Variants in NAV2 observed in about 807,000 individuals in gnomAD.
NAV2 encodes the protein helicase, APC down-regulated 1.
A neutral mutation model predicts 223.2 loss-of-function variants in NAV2; 54 were observed. The ratio of observed to expected loss-of-function variants is 0.24; its 90% CI spans 0.19 to 0.30. The LOEUF is 0.30. NAV2 is among the 10% of genes least tolerant of loss of function. NAV2 has a pLI of 1.00. For synonymous variants in NAV2, 1,279 were observed against 1,239.3 expected (o/e 1.03, Z -0.67); for missense variants, 2,806 against 3,147.5 (o/e 0.89, Z 2.60).
chr11:19,534,060 G>A (rs948598434), intron 1 of NAV2, among the ~76,000 whole-genome samples: 6 of 152,176 alleles, frequency 3.9e-5, no homozygotes, highest in African/African-American at 1.4e-4. Flanking sequence ...CAGGACATTT[G>A]CACTTGTCAC....
intron 3 of NAV2, among the ~76,000 whole-genome samples, chr11:19,853,163 G>A (rs558738637): frequency 1.8e-4 from 28 of 152,282 alleles, no homozygotes; most frequent in African/African-American, 6.3e-4. Context: ...TGCCTAGGGA[G>A]GAGCTGGGGA....
chr11:19,696,012 A>T (rs1172274489), intron 1 of NAV2, among the ~76,000 whole-genome samples: 1 of 151,872 alleles, frequency 6.6e-6, no homozygotes, highest in Non-Finnish European at 1.5e-5. Flanking sequence ...GGTTCCTTGA[A>T]TGAGGCTTGG....
rs569446282 is a variant in NAV2, at chr11:19,859,137, C to CTT, written c.439-9767_439-9766dup. Among the ~76,000 whole-genome samples the CTT allele has an allele frequency of 2.3e-3, 249 of 107,072 alleles. 1 individual carries two copies. Among genetic ancestry groups the CTT allele is most frequent in the Middle Eastern group, 5.8e-3 (1 of 172 alleles). The allele number at this position is 107,072 out of a possible 152,430, so 70.2% of individuals were successfully genotyped here. Reference sequence around the variant, plus strand: ...ATGGAGGAGTCCAAAATCATATTCTCTTTTTTTTTTTTTTTTTTTTTTATT... The same window carrying CTT: ...ATGGAGGAGTCCAAAATCATATTCTCTTTTTTTTTTTTTTTTTTTTTTTTATT... On this transcript the variant is annotated intron_variant, in intron 3 of 37. Transcript: ENST00000349880.
intron 11 of NAV2, chr11:20,023,195 C>T: frequency 3.4e-6 from 5 of 1,466,402 alleles, no homozygotes; most frequent in Non-Finnish European, 4.6e-6. Flanking sequence ...ACTGCCTTGT[C>T]TTCCTTGGCC....
chr11:19,747,124 ATGAG>A (rs971469552), intron 1 of NAV2, among the ~76,000 whole-genome samples: 2 of 129,064 alleles, frequency 1.5e-5, no homozygotes, highest in Non-Finnish European at 3.2e-5. Flanking sequence ...ATTCCCACCT[ATGAG>A]TGAGAACATG....
At chr11:19,799,561 G>A (rs1247348054) in intron 1 of NAV2, among the ~76,000 whole-genome samples, 2 of 149,664 alleles carry the variant, frequency 1.3e-5, no homozygotes, top group Admixed American at 6.7e-5. Flanking sequence ...ATAGTGGTGC[G>A]GTTGGGGGCA....
At chr11:19,586,016 C>A (rs1046863644) in intron 1 of NAV2, among the ~76,000 whole-genome samples, 1 of 152,212 alleles carries the variant, frequency 6.6e-6, no homozygotes, top group Non-Finnish European at 1.5e-5. Context: ...TTCAGGTACA[C>A]CAATCAGATG....
At chr11:19,996,417 A>G (rs2051892682) in intron 11 of NAV2, among the ~76,000 whole-genome samples, 2 of 152,220 alleles carry the variant, frequency 1.3e-5, no homozygotes, top group Non-Finnish European at 2.9e-5. Flanking sequence ...AGGCTCAGCA[A>G]AAAGAAAGCC....
chr11:19,886,201 C>A (rs1478723947), intron 5 of NAV2, among the ~76,000 whole-genome samples: 1 of 151,516 alleles, frequency 6.6e-6, no homozygotes, highest in Non-Finnish European at 1.5e-5. Context: ...TGGTCTCCAA[C>A]TCCTGGGCTC....
intron 11 of NAV2, among the ~76,000 whole-genome samples, chr11:20,023,699 G>GGTGTGTGTGTGTGTGTGT (rs374769800): frequency 3.5e-4 from 51 of 144,680 alleles, no homozygotes; most frequent in African/African-American, 1.1e-3. Context: ...CAAATTGCTG[G>GGTGTGTGTGTGTGTGTGT]GTGTGTGTGT....
intron 1 of NAV2, among the ~76,000 whole-genome samples, chr11:19,487,721 C>T (rs2042490810): frequency 6.6e-6 from 1 of 152,294 alleles, no homozygotes; most frequent in Admixed American, 6.5e-5. Context: ...TGCAAGTGAG[C>T]TGGGAAGTGA....
chr11:19,410,231 G>C (rs748305563), intron 1 of NAV2, among the ~76,000 whole-genome samples: 2 of 152,058 alleles, frequency 1.3e-5, no homozygotes, highest in Non-Finnish European at 2.9e-5. Context: ...TTTTTGTTTC[G>C]CTTCCTCCTC....
chr11:19,388,010 C>T (rs1564897332), intron 1 of NAV2, among the ~76,000 whole-genome samples: 1 of 152,272 alleles, frequency 6.6e-6, no homozygotes. Context: ...CCAAGACCTC[C>T]AGAATTGGAA....
At chr11:19,832,412 C>G in intron 1 of NAV2, 72 bp from the exon 2 acceptor site, 1 of 1,204,252 alleles carries the variant, frequency 8.3e-7, no homozygotes, top group Non-Finnish European at 1.2e-6. Flanking sequence ...TGTGCCGGCC[C>G]GAGCAGCTGC....
chr11:19,887,862 C>T lies in NAV2; in HGVS notation c.771-4572C>T, dbSNP rs185470958. ...TGATTATGACCGCCCCCCGCCAAAC[C>T]CCAGCATGTGCACACAAGCTGCCAT... On this transcript the variant is annotated intron_variant, in intron 5 of 37. Coordinates refer to ENST00000349880, the MANE Select transcript of NAV2 (RefSeq NM_145117.5). Among the ~76,000 whole-genome samples the T allele has an allele frequency of 2.8e-3, 425 of 152,228 alleles. 2 individuals are homozygous for T. The highest frequency in any genetic ancestry group is 9.1e-3 in the South Asian group (44 of 4,814).
intron 1 of NAV2, among the ~76,000 whole-genome samples, chr11:19,466,588 G>A (rs534796744): frequency 4.6e-5 from 7 of 152,298 alleles, no homozygotes; most frequent in African/African-American, 1.4e-4. Flanking sequence ...ACCGCTCTTC[G>A]ACTCTTGAAT....
chr11:19,487,400 C>T (rs1178990731), intron 1 of NAV2, among the ~76,000 whole-genome samples: 1 of 152,168 alleles, frequency 6.6e-6, no homozygotes, highest in African/African-American at 2.4e-5. Flanking sequence ...CAGTATTCAC[C>T]CCTCGGGTAA....
chr11:19,410,235 C>T (rs906225644), intron 1 of NAV2, among the ~76,000 whole-genome samples: 1 of 152,136 alleles, frequency 6.6e-6, no homozygotes, highest in Non-Finnish European at 1.5e-5. Flanking sequence ...TGTTTCGCTT[C>T]CTCCTCTGGG....
rs532053807 is a variant in NAV2 at position 19,978,135 on chromosome 11, T to G, written c.2646-5990T>G. On this transcript the variant is annotated intron_variant, in intron 10 of 37. Coordinates refer to ENST00000349880, the MANE Select transcript of NAV2 (RefSeq NM_145117.5). The stretch of plus-strand genomic sequence containing the variant: ...CCACCACACCCAGCAAGGTCAGTTT[T>G]TTTTTCAAAAGGATGCAGGCAGCTT... Among the ~76,000 whole-genome samples, 640 of 152,172 alleles carry G rather than the reference T, an allele frequency of 4.2e-3. 2 individuals are homozygous for G. Among genetic ancestry groups the G allele is most frequent in the African/African-American group, 0.015 (610 of 41,536 alleles).
Sources: allele counts gnomAD v4.1 joint callset (sites outside exome capture counted in the v4.1 genomes callset), GRCh38; gene constraint gnomAD v4.1.1; transcripts MANE v1.5; gene names NCBI Gene and HGNC (gene_info 2026-07-23, HGNC 2026-07-21).